Variants in RFC3 observed in about 807,000 individuals in gnomAD.
RFC3 encodes the protein A1 38 kDa subunit.
Under a neutral mutation model 45.1 loss-of-function variants are expected in RFC3, and 41 were observed. The observed-to-expected ratio is 0.91, with a 90% CI of 0.71 to 1.18. RFC3 has a LOEUF of 1.18. RFC3 is among the 50% of genes most tolerant of loss of function. The pLI, the probability that RFC3 is intolerant of heterozygous loss-of-function variation, is 0.00. For synonymous variants in RFC3, 149 were observed against 144.0 expected (o/e 1.03, Z -0.25); for missense variants, 423 against 428.1 (o/e 0.99, Z 0.10).
intron 8 of RFC3, among the ~76,000 whole-genome samples, chr13:33,948,548 A>G (rs1441141965): frequency 6.6e-6 from 1 of 152,140 alleles, no homozygotes; most frequent in Non-Finnish European, 1.5e-5. Flanking sequence ...AGACCCCAGA[A>G]TTATCAATCC....
intron 8 of RFC3, among the ~76,000 whole-genome samples, chr13:33,923,499 G>A (rs1026334717): frequency 3.9e-5 from 6 of 152,152 alleles, no homozygotes; most frequent in Non-Finnish European, 7.4e-5. Flanking sequence ...GAACAAGTGG[G>A]ATGGCCTGGT....
intron 8 of RFC3, among the ~76,000 whole-genome samples, chr13:33,895,650 T>C (rs879644929): frequency 5.9e-5 from 9 of 152,182 alleles, no homozygotes; most frequent in Non-Finnish European, 1.3e-4. Context: ...GGAATTCCAC[T>C]TCTTGATATC....
chr13:33,875,251 C>T (rs1490649600), intron 8 of RFC3, among the ~76,000 whole-genome samples: 6 of 152,070 alleles, frequency 3.9e-5, no homozygotes, highest in Admixed American at 2.6e-4. Context: ...CTTACTACTG[C>T]GATGACAAAA....
chr13:33,903,740 T>G (rs1382149949), intron 8 of RFC3, among the ~76,000 whole-genome samples: 1 of 152,056 alleles, frequency 6.6e-6, no homozygotes, highest in Non-Finnish European at 1.5e-5. Flanking sequence ...TTTATTTCAT[T>G]ATGTCACCTT....
chr13:33,839,879 T>C (rs867017018), downstream of RFC3, among the ~76,000 whole-genome samples: 4 of 152,208 alleles, frequency 2.6e-5, no homozygotes, highest in African/African-American at 7.2e-5. Context: ...ATACAGATGG[T>C]TTCAAAATAC....
chr13:33,894,738 A>AT (rs1184613013), intron 8 of RFC3, among the ~76,000 whole-genome samples: 1 of 152,170 alleles, frequency 6.6e-6, no homozygotes, highest in African/African-American at 2.4e-5. Context: ...GGGGTATCAC[A>AT]TTGCCCAACT....
chr13:33,966,487 G>A (rs2083088624), exon 9 of RFC3: 1 of 251,510 alleles, frequency 4.0e-6, no homozygotes, highest in Non-Finnish European at 7.7e-6. Context: ...GTACCTATTT[G>A]TCATGTATTT....
chr13:33,905,053 A>G (rs535773568), intron 8 of RFC3, among the ~76,000 whole-genome samples: 6 of 152,256 alleles, frequency 3.9e-5, no homozygotes, highest in South Asian at 2.1e-4. Context: ...AGTGGCTCCA[A>G]TGATGTTAGA....
chr13:33,843,078 TAAAACAAA>T (rs1282702796), intron 8 of RFC3, among the ~76,000 whole-genome samples: 7 of 151,878 alleles, frequency 4.6e-5, no homozygotes, highest in Admixed American at 6.6e-5. Flanking sequence ...CCTTAAAAAG[TAAAACAAA>T]AAAACAAAAA....
intron 8 of RFC3, among the ~76,000 whole-genome samples, chr13:33,888,922 T>C (rs1399394120): frequency 6.6e-6 from 1 of 152,108 alleles, no homozygotes; most frequent in East Asian, 1.9e-4. Flanking sequence ...ATTTTTGTAT[T>C]TTTAGTAGAG....
intron 4 of RFC3, among the ~76,000 whole-genome samples, chr13:33,828,113 A>T (rs1422826862): frequency 1.3e-5 from 2 of 152,110 alleles, no homozygotes; most frequent in Non-Finnish European, 2.9e-5. Context: ...AAGCTACTGC[A>T]CTCCCGCCTG....
intron 8 of RFC3, among the ~76,000 whole-genome samples, chr13:33,919,678 G>A (rs973009608): frequency 6.6e-6 from 1 of 152,034 alleles, no homozygotes; most frequent in African/African-American, 2.4e-5. Context: ...TAATGTCTGT[G>A]TGTATGCTTT....
At chr13:33,975,319 G>T in the RFC3 span, among the ~76,000 whole-genome samples, 6 of 152,290 alleles carry the variant, frequency 3.9e-5, 1 homozygote, top group South Asian at 1.2e-3. Context: ...CCAATTACAT[G>T]ACTATATGGA....
At chr13:33,872,952 T>G (rs990424238) in intron 8 of RFC3, among the ~76,000 whole-genome samples, 1 of 152,088 alleles carries the variant, frequency 6.6e-6, no homozygotes, top group Non-Finnish European at 1.5e-5. Flanking sequence ...CAGTGATGAC[T>G]GAAAGAGCCA....
At chr13:33,976,432 G>A in the RFC3 span, among the ~76,000 whole-genome samples, 1 of 152,272 alleles carries the variant, frequency 6.6e-6, no homozygotes, top group East Asian at 1.9e-4. Context: ...GGGGAGAGCA[G>A]AGATGAGGAG....
At chr13:33,916,520 GTTTCAAC>G (rs1025325727) in intron 8 of RFC3, among the ~76,000 whole-genome samples, 3 of 152,074 alleles carry the variant, frequency 2.0e-5, no homozygotes, top group Admixed American at 1.3e-4. Context: ...AACCATCTGG[GTTTCAAC>G]TAGATGAAAT....
At chr13:33,968,652 G>C (rs78909982), downstream of RFC3, among the ~76,000 whole-genome samples, 2,153 of 152,264 alleles carry the variant, frequency 0.014, 37 homozygotes, top group African/African-American at 0.046. Context: ...GTTGAAAAAT[G>C]TTCTCAACTC....
At chr13:33,950,373 A>G (rs745343339) in intron 8 of RFC3, among the ~76,000 whole-genome samples, 6 of 152,198 alleles carry the variant, frequency 3.9e-5, no homozygotes, top group African/African-American at 7.2e-5. Context: ...ATTTTGCACT[A>G]TTAGTAAAAA....
intron 8 of RFC3, among the ~76,000 whole-genome samples, chr13:33,858,719 A>G (rs1017196228): frequency 3.9e-5 from 6 of 152,230 alleles, no homozygotes; most frequent in African/African-American, 7.2e-5. Flanking sequence ...TTATCGAGAA[A>G]AAGTGGAAAA....
Sources: gnomAD v4.1 joint callset for allele counts (sites outside exome capture counted in the v4.1 genomes callset) on GRCh38, gnomAD v4.1.1 for gene constraint, MANE v1.5 for transcripts, NCBI Gene and HGNC (gene_info 2026-07-23, HGNC 2026-07-21) for gene names.